Variants in PSME4 observed in about 807,000 individuals in gnomAD.
The protein encoded by PSME4 is proteasome activator complex subunit 4.
In PSME4, 89 loss-of-function variants were observed where a neutral mutation model predicts 253.9. The observed-to-expected ratio is 0.35, with a 90% confidence interval of 0.30 to 0.42. PSME4 has a LOEUF of 0.42. PSME4 is among the 10% of genes least tolerant of loss of function. The probability of loss-of-function intolerance (pLI) is 1.00; values close to 1 mark genes in which losing one functional copy is unlikely to be tolerated. For missense variants in PSME4, 2,014 were observed against 2,195.2 expected (o/e 0.92, Z 1.65); for synonymous variants, 851 against 759.2 (o/e 1.12, Z -1.99).
intron 11 of PSME4, 118 bp downstream of exon 11, chr2:53,927,996 TACA>T (rs1668645338): frequency 1.5e-6 from 1 of 661,236 alleles, no homozygotes; most frequent in South Asian, 3.0e-5. Context: ...AATTAAATTA[TACA>T]ACATTTATTT....
intron 20 of PSME4, among the ~76,000 whole-genome samples, chr2:53,913,821 T>C (rs1249055253): frequency 6.6e-6 from 1 of 152,142 alleles, no homozygotes; most frequent in East Asian, 1.9e-4. Flanking sequence ...CTTTTAAAAA[T>C]AAATGAAAAC....
At chr2:53,959,460 G>T (rs192817734) in intron 1 of PSME4, among the ~76,000 whole-genome samples, 15 of 152,298 alleles carry the variant, frequency 9.8e-5, no homozygotes, top group Middle Eastern at 3.4e-3. Context: ...TGACCCATGA[G>T]ATCTCTGAAC....
intron 33 of PSME4, 83 bp from the exon 34 acceptor site, chr2:53,895,159 T>C: frequency 1.7e-6 from 2 of 1,197,602 alleles, no homozygotes; most frequent in Non-Finnish European, 2.4e-6. Context: ...GAAGGCACTT[T>C]TAATGAACTC....
At chr2:53,884,156 T>C (rs1403435069) in intron 41 of PSME4, among the ~76,000 whole-genome samples, 1 of 152,216 alleles carries the variant, frequency 6.6e-6, no homozygotes, top group Non-Finnish European at 1.5e-5. Flanking sequence ...TCAATATTAG[T>C]ATATCCAGGT....
At chr2:53,956,553 A>T (rs554959958) in intron 1 of PSME4, among the ~76,000 whole-genome samples, 64 of 152,054 alleles carry the variant, frequency 4.2e-4, no homozygotes, top group Non-Finnish European at 5.0e-4. Context: ...ATAATAATTT[A>T]AAAAAGTAAA....
chr2:53,942,163 G>A (rs576987124), intron 3 of PSME4: 4 of 152,498 alleles, frequency 2.6e-5, no homozygotes, highest in African/African-American at 4.8e-5. Flanking sequence ...TCTAACCTGT[G>A]ATATCTGTAT....
At chr2:53,918,352 T>C (rs1396706710) in intron 20 of PSME4, among the ~76,000 whole-genome samples, 2 of 152,188 alleles carry the variant, frequency 1.3e-5, no homozygotes, top group African/African-American at 4.8e-5. Context: ...TTTATTCTTT[T>C]TGTTTTTTAA....
intron 3 of PSME4, among the ~76,000 whole-genome samples, chr2:53,941,544 T>G (rs1386057591): frequency 1.3e-5 from 2 of 152,160 alleles, no homozygotes; most frequent in Non-Finnish European, 2.9e-5. Flanking sequence ...AAAGGCTATC[T>G]GCTCATATAT....
intron 20 of PSME4, among the ~76,000 whole-genome samples, chr2:53,911,908 C>T (rs928411907): frequency 2.6e-5 from 4 of 152,148 alleles, no homozygotes; most frequent in African/African-American, 9.7e-5. Flanking sequence ...TCTAAGAGTC[C>T]TGACACCAAA....
At chr2:53,940,072 T>A (rs779275467) in intron 3 of PSME4, 72 bp from the exon 4 acceptor site, 18 of 1,158,720 alleles carry the variant, frequency 1.6e-5, no homozygotes, top group African/African-American at 3.2e-5. Flanking sequence ...TTAATAAATA[T>A]CTATAAGATA....
chr2:53,949,736 G>A (rs1285711066), intron 1 of PSME4, among the ~76,000 whole-genome samples: 1 of 152,152 alleles, frequency 6.6e-6, no homozygotes, highest in East Asian at 1.9e-4. Flanking sequence ...CAAGGACCAG[G>A]AAATGGAGAG....
At chr2:53,938,148 C>T (rs1028970389) in intron 4 of PSME4, among the ~76,000 whole-genome samples, 15 of 152,092 alleles carry the variant, frequency 9.9e-5, no homozygotes, top group African/African-American at 3.6e-4. Context: ...GTCTTACTTC[C>T]TTTGTGCTAT....
chr2:53,913,171 T>A (rs1344010378), intron 20 of PSME4, among the ~76,000 whole-genome samples: 1 of 152,086 alleles, frequency 6.6e-6, no homozygotes, highest in Non-Finnish European at 1.5e-5. Context: ...GTAATAATAA[T>A]AAAATTAAAT....
At chr2:53,879,843 A>G (rs1330573223) in intron 41 of PSME4, among the ~76,000 whole-genome samples, 1 of 151,230 alleles carries the variant, frequency 6.6e-6, no homozygotes, top group Non-Finnish European at 1.5e-5. Flanking sequence ...AACATTGAAC[A>G]TTAATTATTG....
chr2:53,867,059 T>C (rs142845606), intron 44 of PSME4, among the ~76,000 whole-genome samples, 179 bp from the exon 45 acceptor site: 6 of 152,318 alleles, frequency 3.9e-5, no homozygotes, highest in Admixed American at 2.0e-4. Context: ...AAAATAATTC[T>C]GTATTTAAGA....
At chr2:53,944,644 T>C (rs1415963294) in intron 3 of PSME4, among the ~76,000 whole-genome samples, 1 of 152,206 alleles carries the variant, frequency 6.6e-6, no homozygotes, top group African/African-American at 2.4e-5. Flanking sequence ...GATTATCATA[T>C]TAAATTTTGT....
At chr2:53,879,611 C>T (rs907374532) in intron 41 of PSME4, among the ~76,000 whole-genome samples, 4 of 151,330 alleles carry the variant, frequency 2.6e-5, no homozygotes, top group Admixed American at 2.0e-4. Context: ...CTTAGTAATC[C>T]CAAATTTGAA....
intron 1 of PSME4, among the ~76,000 whole-genome samples, chr2:53,964,076 A>G (rs929934630): frequency 6.6e-6 from 1 of 152,210 alleles, no homozygotes; most frequent in Non-Finnish European, 1.5e-5. Flanking sequence ...AGAAACACAC[A>G]TATGCTCATT....
chr2:53,869,444 C>T lies in PSME4; in HGVS notation c.5195G>A (p.Cys1732Tyr). The T allele has an allele frequency of 6.2e-7, 1 of 1,610,430 alleles. No individual in the cohort carries two copies. Among genetic ancestry groups the T allele is most frequent in the Non-Finnish European group, 8.5e-7 (1 of 1,177,500 alleles). The change falls in exon 44 of 47, where the codon TGC (cysteine) becomes TAC (tyrosine). Residue 1732 changes from cysteine (C) to tyrosine (Y), a missense_variant. Coordinates refer to ENST00000404125, the MANE Select transcript of PSME4 (RefSeq NM_014614.3). ...TCTTTTCTTAGGTAGTTTTGTTTTG[C>T]AAAGTTGCTCAAAATGAATCTGCAT... is the stretch of plus-strand genomic sequence containing the variant. ...SPMQIHFEQL[C>Y]KTKLPKKRKR...
Sources: allele counts gnomAD v4.1 joint callset (sites outside exome capture counted in the v4.1 genomes callset), GRCh38; gene constraint gnomAD v4.1.1; transcripts MANE v1.5; gene names NCBI Gene and HGNC (gene_info 2026-07-23, HGNC 2026-07-21).